The following IRAK1BP1 variants were observed in gnomAD, a reference collection of about 807,000 sequenced individuals.
The protein encoded by IRAK1BP1 is interleukin-1 receptor-associated kinase 1-binding protein 1.
Under a neutral mutation model 28.0 loss-of-function variants are expected in IRAK1BP1, and 24 were observed. The ratio of observed to expected loss-of-function variants is 0.86; its 90% CI spans 0.62 to 1.20. IRAK1BP1 has a LOEUF of 1.20. IRAK1BP1 is among the 50% of genes most tolerant of loss of function. IRAK1BP1 has a pLI of 0.00. For missense variants in IRAK1BP1, 336 were observed against 316.7 expected, an observed-to-expected ratio of 1.06 and a Z score of -0.46; for synonymous variants, 131 against 116.3, an observed-to-expected ratio of 1.13 and a Z score of -0.81.
At position 78,945,826 on chromosome 6, in the gene IRAK1BP1, C is replaced by T. The variant is rs943168376; in HGVS notation, c.*486C>T. On this transcript the variant is annotated 3_prime_UTR_variant and NMD_transcript_variant, in exon 5 of 5. Coordinates refer to the IRAK1BP1 transcript ENST00000606868. ...AGCATTAGTCTATAATGACCTAAAC[C>T]TCAATTTAATTCTTCTTATTAAAAA... is the stretch of plus-strand genomic sequence containing the variant. 4 of 619,058 alleles carry T rather than the reference C, an allele frequency of 6.5e-6. No homozygotes were observed. In the East Asian group the frequency reaches 8.5e-5, roughly 13 times the overall value. The allele number at this position is 619,058 out of a possible 1,614,324, so 38.3% of individuals were successfully genotyped here. A position where few individuals can be genotyped will look rare whatever the true frequency, so the allele number is the denominator to read the frequency against.
chr6:78,930,912 C>T (rs1379873630), intron 4 of IRAK1BP1, among the ~76,000 whole-genome samples: 1 of 151,054 alleles, frequency 6.6e-6, no homozygotes, highest in Admixed American at 6.6e-5. Flanking sequence ...GCCTGGGCAA[C>T]AGAGTGAGAC....
chr6:78,882,008 C>T (rs555035881), intron 1 of IRAK1BP1, among the ~76,000 whole-genome samples: 10 of 151,996 alleles, frequency 6.6e-5, no homozygotes, highest in East Asian at 3.9e-4. Flanking sequence ...TATCTGTGTG[C>T]GTATATATAT....
rs1224960691 is a variant in IRAK1BP1 at position 78,897,946 on chromosome 6, G to T, written c.499G>T (p.Val167Phe). The T allele has an allele frequency of 1.1e-5, 17 of 1,613,902 alleles. No individual in the cohort carries two copies. The highest frequency in any genetic ancestry group is 1.4e-5 in the Non-Finnish European group (17 of 1,179,916). The stretch of plus-strand genomic sequence containing the variant: ...CCAGTTCTATCATACTCCAGGTTCT[G>T]TTGAGAATCTTCGGTAAGTTTAAGC... ...PPQFYHTPGSVENLRRQACLV... is the reference protein window; with the variant it reads ...PPQFYHTPGSFENLRRQACLV... The change falls in exon 3 of 4, where the codon GTT (valine) becomes TTT (phenylalanine). Residue 167 changes from valine (V) to phenylalanine (F), a missense_variant. By Grantham distance (50) the Val-to-Phe change is conservative (BLOSUM62 -1). Coordinates refer to ENST00000369940, the MANE Select transcript of IRAK1BP1 (RefSeq NM_001010844.4).
chr6:78,873,375 A>G (rs1476593369), intron 1 of IRAK1BP1, among the ~76,000 whole-genome samples: 5 of 151,196 alleles, frequency 3.3e-5, no homozygotes, highest in Admixed American at 2.6e-4. Flanking sequence ...TCAAAATCTT[A>G]AAGTTTTGTT....
chr6:78,965,320 T>C, the IRAK1BP1 span, among the ~76,000 whole-genome samples: 2 of 152,088 alleles, frequency 1.3e-5, no homozygotes, highest in Admixed American at 1.3e-4. Flanking sequence ...AAATGACAAG[T>C]CAGGATATGA....
At chr6:78,929,450 G>A (rs113990424) in intron 4 of IRAK1BP1, among the ~76,000 whole-genome samples, 18 of 152,170 alleles carry the variant, frequency 1.2e-4, no homozygotes, top group East Asian at 3.9e-4. Context: ...GAAAAGCCAC[G>A]TACCACATGT....
At chr6:78,920,302 G>T (rs550765011) in intron 4 of IRAK1BP1, among the ~76,000 whole-genome samples, 2 of 151,924 alleles carry the variant, frequency 1.3e-5, no homozygotes, top group African/African-American at 4.8e-5. Flanking sequence ...AACTCATATG[G>T]AACCAAAAAA....
At position 78,885,452 on chromosome 6, in the gene IRAK1BP1, TTAACAAA is replaced by T; in HGVS notation, c.381+13_381+19del. ...ATCACATGGAAGCAGAGGTATGTAC[TTAACAAA>T]TAATTGGAAGCAGCATGATTTTGTG... On this transcript the variant is annotated intron_variant, in intron 2 of 3. Coordinates refer to ENST00000369940, the MANE Select transcript of IRAK1BP1 (RefSeq NM_001010844.4). 7.1e-7 allele frequency: 1 copy of T among 1,406,870 alleles called. No homozygotes were observed. Among genetic ancestry groups the T allele is most frequent in the South Asian group, 1.3e-5 (1 of 78,750 alleles). The allele number at this position is 1,406,870 out of a possible 1,614,324, so 87.1% of individuals were successfully genotyped here.
the IRAK1BP1 span, among the ~76,000 whole-genome samples, chr6:78,964,370 T>C: frequency 6.6e-6 from 1 of 152,216 alleles, no homozygotes; most frequent in South Asian, 2.1e-4. Flanking sequence ...TCTCTGACTT[T>C]GGATTACAAT....
intron 4 of IRAK1BP1, among the ~76,000 whole-genome samples, chr6:78,922,654 T>A (rs574318105): frequency 6.4e-4 from 97 of 151,984 alleles, no homozygotes; most frequent in African/African-American, 2.2e-3. Flanking sequence ...AAGGAAAAAA[T>A]GTTAAGGGCA....
At chr6:78,870,873 G>A (rs1424429567) in intron 1 of IRAK1BP1, among the ~76,000 whole-genome samples, 1 of 151,894 alleles carries the variant, frequency 6.6e-6, no homozygotes, top group Non-Finnish European at 1.5e-5. Flanking sequence ...CACCACGCCT[G>A]GTAATTTTTG....
chr6:78,969,794 AACC>A, the IRAK1BP1 span: 2 of 944,106 alleles, frequency 2.1e-6, no homozygotes, highest in Non-Finnish European at 3.2e-6. Flanking sequence ...AAGAAAAAAA[AACC>A]ACATCAAACA....
At chr6:78,933,653 T>G (rs923355208) in intron 4 of IRAK1BP1, among the ~76,000 whole-genome samples, 1 of 148,154 alleles carries the variant, frequency 6.7e-6, no homozygotes, top group Admixed American at 6.7e-5. Context: ...TGAACCAACC[T>G]CTGCTAGCTT....
the IRAK1BP1 span, among the ~76,000 whole-genome samples, chr6:78,973,142 G>A: frequency 2.0e-5 from 3 of 152,146 alleles, no homozygotes; most frequent in Admixed American, 6.5e-5. Context: ...GTCGGGTTAC[G>A]CTCAAAGGGA....
chr6:78,883,526 A>G (rs1242506704), intron 1 of IRAK1BP1, among the ~76,000 whole-genome samples: 1 of 152,178 alleles, frequency 6.6e-6, no homozygotes, highest in Non-Finnish European at 1.5e-5. Flanking sequence ...CTTTCATAAA[A>G]TTATCTCTCT....
intron 1 of IRAK1BP1, among the ~76,000 whole-genome samples, chr6:78,874,534 C>T (rs1770923482): frequency 6.6e-6 from 1 of 152,146 alleles, no homozygotes; most frequent in Non-Finnish European, 1.5e-5. Flanking sequence ...AAATTATTAT[C>T]TTCATAAAGC....
chr6:78,959,873 A>C, the IRAK1BP1 span, among the ~76,000 whole-genome samples: 6 of 152,298 alleles, frequency 3.9e-5, no homozygotes, highest in African/African-American at 1.2e-4. Flanking sequence ...TCAAAAATGC[A>C]TGCGATATAC....
chr6:78,907,835 T>G (rs1027305560), downstream of IRAK1BP1, among the ~76,000 whole-genome samples: 7 of 151,794 alleles, frequency 4.6e-5, no homozygotes, highest in African/African-American at 1.5e-4. Flanking sequence ...TTCTTCTGCC[T>G]CAGCCTCCCC....
downstream of IRAK1BP1, among the ~76,000 whole-genome samples, chr6:78,949,684 T>C (rs544722781): frequency 2.8e-4 from 43 of 151,914 alleles, no homozygotes; most frequent in South Asian, 5.0e-3. Context: ...GACTCTTTTT[T>C]ACTTTTTTTT....
Sources: gnomAD v4.1 joint callset for allele counts (sites outside exome capture counted in the v4.1 genomes callset) on GRCh38, gnomAD v4.1.1 for gene constraint, MANE v1.5 for transcripts, NCBI Gene and HGNC (gene_info 2026-07-23, HGNC 2026-07-21) for gene names.